STK38L: variants seen among roughly 807,000 people sequenced by gnomAD.
The protein encoded by STK38L is serine/threonine kinase 38 like.
A neutral mutation model predicts 59.7 loss-of-function variants in STK38L; 28 were observed. The observed-to-expected ratio is 0.47, with a 90% CI of 0.35 to 0.64. The LOEUF is 0.64. Ranked by LOEUF, STK38L falls within the 30% of genes least tolerant of loss-of-function variation. STK38L has a pLI of 0.01. For missense variants in STK38L, 314 were observed against 555.8 expected (o/e 0.56, Z 4.37); for synonymous variants, 162 against 176.8 (o/e 0.92, Z 0.66).
chr12:27,277,379 G>A (rs1334492650), intron 1 of STK38L, among the ~76,000 whole-genome samples: 1 of 117,034 alleles, frequency 8.5e-6, no homozygotes, highest in African/African-American at 3.1e-5. Context: ...AGCAGTAGGA[G>A]AACTGGAAGG....
At chr12:27,271,982 G>A (rs1943433795) in intron 1 of STK38L, among the ~76,000 whole-genome samples, 1 of 152,216 alleles carries the variant, frequency 6.6e-6, no homozygotes, top group Admixed American at 6.5e-5. Flanking sequence ...TTATAGGCAT[G>A]AGCCACCGTA....
At chr12:27,311,641 G>A (rs1303676901) in intron 5 of STK38L, among the ~76,000 whole-genome samples, 2 of 152,090 alleles carry the variant, frequency 1.3e-5, no homozygotes, top group Non-Finnish European at 2.9e-5. Context: ...TAGTAATTAT[G>A]TGTCCGAGAA....
chr12:27,250,864 T>C (rs1241948473), intron 1 of STK38L, among the ~76,000 whole-genome samples: 1 of 151,996 alleles, frequency 6.6e-6, no homozygotes, highest in East Asian at 1.9e-4. Context: ...CCGGGCGTGG[T>C]GGCGGGCACC....
chr12:27,255,586 C>T (rs1943074890), intron 1 of STK38L, among the ~76,000 whole-genome samples: 1 of 152,144 alleles, frequency 6.6e-6, no homozygotes, highest in Admixed American at 6.5e-5. Context: ...ACATCATCTC[C>T]AACAAGTGGA....
chr12:27,311,143 G>A (rs1326541276), intron 5 of STK38L, among the ~76,000 whole-genome samples: 9 of 152,154 alleles, frequency 5.9e-5, no homozygotes, highest in Non-Finnish European at 1.2e-4. Flanking sequence ...TGTTTATGTT[G>A]TAGTTGTTTT....
At chr12:27,254,313 C>G (rs1943039911) in intron 1 of STK38L, among the ~76,000 whole-genome samples, 1 of 152,178 alleles carries the variant, frequency 6.6e-6, no homozygotes, top group Non-Finnish European at 1.5e-5. Flanking sequence ...TTTCTCCTCT[C>G]TACTCTAAGC....
intron 12 of STK38L, 97 bp from the exon 13 acceptor site, chr12:27,322,046 A>T (rs1207541741): frequency 1.7e-5 from 18 of 1,049,040 alleles, no homozygotes; most frequent in Non-Finnish European, 2.5e-5. Flanking sequence ...ATTTTCTAGT[A>T]TCTGTAGAAT....
At chr12:27,293,797 A>G (rs1394853143) in intron 1 of STK38L, 2 of 152,230 alleles carry the variant, frequency 1.3e-5, no homozygotes, top group Non-Finnish European at 2.9e-5. Flanking sequence ...GGCATTATAA[A>G]AGGTTTTTTA....
intron 5 of STK38L, among the ~76,000 whole-genome samples, chr12:27,311,295 T>C (rs759724972): frequency 6.6e-6 from 1 of 152,256 alleles, no homozygotes; most frequent in Non-Finnish European, 1.5e-5. Flanking sequence ...AGTATTTTCA[T>C]GCCAGAAGAC....
intron 6 of STK38L, among the ~76,000 whole-genome samples, chr12:27,313,876 C>T (rs1008273184): frequency 5.3e-5 from 8 of 151,990 alleles, no homozygotes; most frequent in African/African-American, 1.7e-4. Flanking sequence ...GAATATATTT[C>T]GTTTCCAGGT....
chr12:27,264,980 T>C (rs1943273610), intron 1 of STK38L, among the ~76,000 whole-genome samples: 1 of 152,160 alleles, frequency 6.6e-6, no homozygotes, highest in Non-Finnish European at 1.5e-5. Context: ...GGAAAAGAGC[T>C]CTCTGTGAGT....
chr12:27,275,479 A>G (rs1434437669), intron 1 of STK38L, among the ~76,000 whole-genome samples: 2 of 151,880 alleles, frequency 1.3e-5, no homozygotes, highest in Non-Finnish European at 2.9e-5. Flanking sequence ...CTGGGATTAC[A>G]GGCACCTGCC....
At chr12:27,291,017 A>G (rs144500114) in intron 1 of STK38L, among the ~76,000 whole-genome samples, 2 of 152,244 alleles carry the variant, frequency 1.3e-5, no homozygotes, top group East Asian at 3.9e-4. Context: ...TCCTCCCTGT[A>G]CCAGCATAAT....
intron 1 of STK38L, among the ~76,000 whole-genome samples, chr12:27,262,862 G>A (rs1186592904): frequency 6.6e-6 from 1 of 151,408 alleles, no homozygotes; most frequent in East Asian, 1.9e-4. Flanking sequence ...GCAGTGGTGG[G>A]ATCCCAGCTC....
At position 27,302,243 on chromosome 12, in the gene STK38L, CATTT is replaced by C. The variant is rs749773008; in HGVS notation, c.186+56_186+59del. The C allele has an allele frequency of 1.5e-5, 19 of 1,269,140 alleles. No individual in the cohort carries two copies. In the South Asian group the frequency reaches 1.7e-4, roughly 12 times the overall value. The allele number at this position is 1,269,140 out of a possible 1,614,324, so 78.6% of individuals were successfully genotyped here. On this transcript the variant is annotated intron_variant, in intron 3 of 13. Coordinates refer to ENST00000389032, the MANE Select transcript of STK38L (RefSeq NM_015000.4). Reference sequence around the variant, plus strand: ...AAAGCACCCCCAGTGACTTTTCATTCATTTGACATCAGGTATTTTATAACTTAAA... The same window carrying C: ...AAAGCACCCCCAGTGACTTTTCATTCGACATCAGGTATTTTATAACTTAAA...
At position 27,297,843 on chromosome 12, in the gene STK38L, G is replaced by C; in HGVS notation, c.123G>C (p.Glu41Asp). ...GCAACCTAATTTTACAGCATGAAGAGAGAGAAACCAGGTATAGTAAGGGCT... is the reference window on the plus strand; with the variant it reads ...GCAACCTAATTTTACAGCATGAAGACAGAGAAACCAGGTATAGTAAGGGCT... ...FYSNLILQHE[E>D]RETRQKKLEV... is the part of the protein sequence containing the mutation. Residue 41 changes from glutamate to aspartate, a missense_variant, in exon 2 of 14, where the codon GAG (glutamate) becomes GAC (aspartate). By Grantham distance (45) the Glu-to-Asp change is conservative. Coordinates refer to ENST00000389032, the MANE Select transcript of STK38L (RefSeq NM_015000.4). 6.2e-7 allele frequency: 1 copy of C among 1,614,118 alleles called. No individual in the cohort carries two copies. The highest frequency in any genetic ancestry group is 8.5e-7 in the Non-Finnish European group (1 of 1,180,020).
chr12:27,269,245 G>A (rs1943367289), intron 1 of STK38L, among the ~76,000 whole-genome samples: 1 of 151,988 alleles, frequency 6.6e-6, no homozygotes, highest in Non-Finnish European at 1.5e-5. Flanking sequence ...GGGTTTTTAT[G>A]GTTTTTAGGT....
chr12:27,254,933 C>T (rs1475389913), intron 1 of STK38L, among the ~76,000 whole-genome samples: 8 of 152,200 alleles, frequency 5.3e-5, no homozygotes, highest in Non-Finnish European at 5.9e-5. Flanking sequence ...TCTGAAAATA[C>T]TCTGGTTGTA....
At chr12:27,249,006 G>A (rs1942916531) in intron 1 of STK38L, among the ~76,000 whole-genome samples, 2 of 152,168 alleles carry the variant, frequency 1.3e-5, no homozygotes, top group Non-Finnish European at 2.9e-5. Flanking sequence ...GTTCTTCTAA[G>A]TACAGGTGGT....
Sources: allele counts gnomAD v4.1 joint callset (sites outside exome capture counted in the v4.1 genomes callset), GRCh38; gene constraint gnomAD v4.1.1; transcripts MANE v1.5; gene names NCBI Gene and HGNC (gene_info 2026-07-23, HGNC 2026-07-21).